Variants in MAML3 observed in about 807,000 individuals in gnomAD.
The protein encoded by MAML3 is mastermind-like protein 3.
MAML3 carries 27 observed loss-of-function variants against 101.9 expected under a neutral mutation model. The observed-to-expected ratio is 0.27, with a 90% CI of 0.20 to 0.37. The LOEUF is 0.37. Ranked by LOEUF, MAML3 falls within the 10% of genes least tolerant of loss-of-function variation. MAML3 has a pLI of 1.00. For synonymous variants in MAML3, 501 were observed against 555.9 expected, an observed-to-expected ratio of 0.90 and a Z score of 1.39; for missense variants, 1,316 against 1,444.9, an observed-to-expected ratio of 0.91 and a Z score of 1.45.
intron 2 of MAML3, among the ~76,000 whole-genome samples, chr4:139,851,714 C>T (rs13148178): frequency 2.6e-5 from 4 of 152,128 alleles, no homozygotes; most frequent in Non-Finnish European, 4.4e-5. Flanking sequence ...CTTGAGATTA[C>T]AAAGGAAATA....
chr4:139,869,673 C>T (rs1731964096), intron 2 of MAML3, among the ~76,000 whole-genome samples: 1 of 152,010 alleles, frequency 6.6e-6, no homozygotes, highest in Non-Finnish European at 1.5e-5. Context: ...ACAAAACACA[C>T]GTAATATTCA....
At chr4:139,940,977 G>T (rs548166782) in intron 1 of MAML3, among the ~76,000 whole-genome samples, 1 of 152,178 alleles carries the variant, frequency 6.6e-6, no homozygotes, top group East Asian at 1.9e-4. Flanking sequence ...TAGATCACAA[G>T]TGATGCTGAT....
At chr4:139,799,274 T>C (rs763976549) in intron 2 of MAML3, among the ~76,000 whole-genome samples, 2 of 152,248 alleles carry the variant, frequency 1.3e-5, no homozygotes, top group Non-Finnish European at 2.9e-5. Context: ...TTATGAGTGA[T>C]AACTGTTTCT....
chr4:139,935,025 A>G (rs1451042464), intron 1 of MAML3, among the ~76,000 whole-genome samples: 1 of 152,126 alleles, frequency 6.6e-6, no homozygotes, highest in Non-Finnish European at 1.5e-5. Context: ...TTTGCCAGCT[A>G]CTTAATGTCT....
chr4:139,908,155 G>T (rs1377000508), intron 1 of MAML3, among the ~76,000 whole-genome samples: 1 of 152,196 alleles, frequency 6.6e-6, no homozygotes, highest in Admixed American at 6.5e-5. Context: ...TAACAGCCCA[G>T]AATTGTATAA....
At chr4:139,794,779 C>A (rs1032623790) in intron 2 of MAML3, among the ~76,000 whole-genome samples, 3 of 152,214 alleles carry the variant, frequency 2.0e-5, no homozygotes, top group Non-Finnish European at 4.4e-5. Flanking sequence ...TTGATTTTTG[C>A]AGATGACACT....
At chr4:140,086,419 G>A (rs1357390471) in intron 1 of MAML3, among the ~76,000 whole-genome samples, 1 of 151,982 alleles carries the variant, frequency 6.6e-6, no homozygotes, top group Admixed American at 6.6e-5. Flanking sequence ...CTGTCTCGTC[G>A]TCCAAATGCT....
intron 2 of MAML3, among the ~76,000 whole-genome samples, chr4:139,778,027 T>G (rs1730124063): frequency 6.6e-6 from 1 of 152,216 alleles, no homozygotes; most frequent in Non-Finnish European, 1.5e-5. Flanking sequence ...ATGGGCCTTC[T>G]CTGGCTACTA....
At chr4:140,076,272 T>C (rs1727764538) in intron 1 of MAML3, among the ~76,000 whole-genome samples, 1 of 152,180 alleles carries the variant, frequency 6.6e-6, no homozygotes, top group Non-Finnish European at 1.5e-5. Context: ...TAAGATATTA[T>C]GGGGACTAAG....
rs749019509 is a variant in MAML3, at chr4:139,890,756, AAAG to A, written c.677_679del (p.Ser226del). ...GTGAGTTCCACTGTTCTGCAAGGGC[AAAG>A]AAGGTTTCAGGTCAAGTTGGTGAAG... is the stretch of plus-strand genomic sequence containing the variant. On this transcript the variant is annotated inframe_deletion, in exon 2 of 5. Transcript: ENST00000509479. This position sits in a 1 kb window ranked among gnomAD's most constrained non-coding sequence, Gnocchi z 4.1. 17 of 1,614,074 alleles carry A rather than the reference AAAG, an allele frequency of 1.1e-5. 1 individual carries two copies. The South Asian group carries it at 1.5e-4, about 15-fold the overall frequency.
intron 2 of MAML3, among the ~76,000 whole-genome samples, chr4:139,874,360 C>T (rs1237418671): frequency 1.3e-5 from 2 of 151,892 alleles, no homozygotes; most frequent in Non-Finnish European, 2.9e-5. Flanking sequence ...GTAAATTATG[C>T]AGGAGGAACA....
chr4:139,732,017 G>C (rs1728747010), intron 2 of MAML3, among the ~76,000 whole-genome samples: 1 of 152,202 alleles, frequency 6.6e-6, no homozygotes, highest in Non-Finnish European at 1.5e-5. Flanking sequence ...TAATTAATGT[G>C]AAATGGAGGA....
intron 2 of MAML3, among the ~76,000 whole-genome samples, chr4:139,799,700 A>G (rs113755501): frequency 7.2e-5 from 11 of 152,318 alleles, no homozygotes; most frequent in African/African-American, 2.6e-4. Context: ...CTTTCCCCCA[A>G]GGTCAAAGTG....
chr4:140,069,171 AT>A (rs1727587841), intron 1 of MAML3, among the ~76,000 whole-genome samples: 1 of 152,166 alleles, frequency 6.6e-6, no homozygotes, highest in Non-Finnish European at 1.5e-5. Context: ...CACCTTGATT[AT>A]TGCAACTTCA....
chr4:139,743,884 T>G (rs2111028321), intron 2 of MAML3, among the ~76,000 whole-genome samples: 1 of 152,280 alleles, frequency 6.6e-6, no homozygotes, highest in East Asian at 1.9e-4. Flanking sequence ...GAGTCCCCAT[T>G]AATAAATAAA....
rs148339724 is a variant in MAML3, at chr4:140,017,947, G to A, written c.469-126980C>T. Among the ~76,000 whole-genome samples, 49 of 151,944 alleles carry A rather than the reference G, an allele frequency of 3.2e-4. No individual in the cohort carries two copies. In the East Asian group the frequency reaches 8.5e-3, roughly 26 times the overall value. On this transcript the variant is annotated intron_variant, in intron 1 of 4. Coordinates refer to ENST00000509479, the MANE Select transcript of MAML3 (RefSeq NM_018717.5). ...GAATTGGGCTAAGAATACATGAGAT[G>A]TGTCTGTATCATGCCTTACAACTGC... is the stretch of plus-strand genomic sequence containing the variant.
intron 2 of MAML3, among the ~76,000 whole-genome samples, chr4:139,763,007 T>A (rs1729785705): frequency 6.6e-6 from 1 of 152,162 alleles, no homozygotes; most frequent in African/African-American, 2.4e-5. Flanking sequence ...TATGAAGGCC[T>A]GCAACTGGCT....
intron 1 of MAML3, among the ~76,000 whole-genome samples, chr4:140,043,816 G>C (rs1342768906): frequency 6.6e-6 from 1 of 152,106 alleles, no homozygotes; most frequent in Admixed American, 6.5e-5. Flanking sequence ...CTCACACATA[G>C]AATCAATTTC....
intron 2 of MAML3, among the ~76,000 whole-genome samples, chr4:139,885,954 A>AAAAAAAAAAAAAAAAAAAAAAAAAAG (rs1732328752): frequency 7.0e-6 from 1 of 143,086 alleles, no homozygotes; most frequent in Non-Finnish European, 1.5e-5. Flanking sequence ...AAAAAAAAAA[A>AAAAAAAAAAAAAAAAAAAAAAAAAAG]AAAGAAAGAG....
Sources: gnomAD v4.1 joint callset for allele counts (sites outside exome capture counted in the v4.1 genomes callset) on GRCh38, gnomAD v4.1.1 for gene constraint, Gnocchi (gnomAD v3.1) non-coding constraint, MANE v1.5 for transcripts, NCBI Gene and HGNC (gene_info 2026-07-23, HGNC 2026-07-21) for gene names.